Variants in SLC43A1 observed in about 807,000 individuals in gnomAD.
SLC43A1 encodes the protein large neutral amino acids transporter small subunit 3.
SLC43A1 carries 31 observed loss-of-function variants against 59.5 expected under a neutral mutation model. That is an observed-to-expected ratio of 0.52 (90% CI 0.39 to 0.70). The LOEUF (loss-of-function observed/expected upper bound fraction) is 0.70, where lower values mean the gene tolerates loss of function less well. Ranked by LOEUF, SLC43A1 falls within the 30% of genes least tolerant of loss-of-function variation. SLC43A1 has a pLI of 0.00. For synonymous variants in SLC43A1, 259 were observed against 290.9 expected, an observed-to-expected ratio of 0.89 and a Z score of 1.12; for missense variants, 598 against 717.8, an observed-to-expected ratio of 0.83 and a Z score of 1.91.
chr11:57,485,243 C>G lies in SLC43A1; in HGVS notation c.1534-1G>C, dbSNP rs758164213. On this transcript the variant is annotated splice_acceptor_variant, in intron 14 of 14. Coordinates refer to ENST00000278426, the MANE Select transcript of SLC43A1 (RefSeq NM_003627.6). LOFTEE classifies it high-confidence loss of function. ...AGAATAGCAGGAGGCCCAGATTCACCTTTAGGGCAAGGAGAGAGAAACAGA... is the reference window on the plus strand; with the variant it reads ...AGAATAGCAGGAGGCCCAGATTCACGTTTAGGGCAAGGAGAGAGAAACAGA... 6.2e-6 allele frequency: 10 copies of G among 1,611,068 alleles called. No homozygotes were observed. Among genetic ancestry groups the G allele is most frequent in the Non-Finnish European group, 6.8e-6 (8 of 1,178,448 alleles).
intron 2 of SLC43A1, among the ~76,000 whole-genome samples, chr11:57,504,830 A>G (rs910719834): frequency 1.3e-5 from 2 of 152,220 alleles, no homozygotes; most frequent in Non-Finnish European, 2.9e-5. Context: ...CAATTCATAC[A>G]TTCATTCCTG....
chr11:57,490,254 A>G (rs950252160), intron 11 of SLC43A1, among the ~76,000 whole-genome samples: 12 of 151,504 alleles, frequency 7.9e-5, no homozygotes, highest in Non-Finnish European at 1.8e-4. Flanking sequence ...GGTTGCAGTG[A>G]GCTGAGATCG....
chr11:57,496,916 T>C (rs1359686378), intron 6 of SLC43A1, among the ~76,000 whole-genome samples: 4 of 152,182 alleles, frequency 2.6e-5, no homozygotes, highest in Admixed American at 6.5e-5. Context: ...TGGACCTTGG[T>C]GCCTTTTCCT....
intron 10 of SLC43A1, 27 bp downstream of exon 10, chr11:57,491,564 G>C (rs760708859): frequency 6.2e-7 from 1 of 1,613,742 alleles, no homozygotes; most frequent in Admixed American, 1.7e-5. Context: ...GTGGGCGTGA[G>C]CCAGGGCCCT....
intron 8 of SLC43A1, among the ~76,000 whole-genome samples, chr11:57,492,430 AAT>A (rs1314269046): frequency 1.0e-4 from 14 of 135,422 alleles, no homozygotes; most frequent in South Asian, 4.4e-4. Context: ...ATCTCTAAAA[AAT>A]ATATATATAT....
rs1263475905 is a variant in SLC43A1 at position 57,491,644 on chromosome 11, T to C, written c.1019-18A>G. 1.2e-6 allele frequency: 2 copies of C among 1,614,106 alleles called. No homozygotes were observed. The highest frequency in any genetic ancestry group is 2.7e-5 in the African/African-American group (2 of 75,024). Reference sequence around the variant, plus strand: ...ATTTGTCTCTGTGGGTAGGGAAACGTATGGTGAGGGGAGCTCAGCCAGGGT... The same window carrying C: ...ATTTGTCTCTGTGGGTAGGGAAACGCATGGTGAGGGGAGCTCAGCCAGGGT... On this transcript the variant is annotated intron_variant, in intron 9 of 14. Coordinates refer to ENST00000278426, the MANE Select transcript of SLC43A1 (RefSeq NM_003627.6).
At chr11:57,491,502 G>A (rs1943900687) in intron 10 of SLC43A1, 89 bp downstream of exon 10, 1 of 1,592,752 alleles carries the variant, frequency 6.3e-7, no homozygotes, top group Non-Finnish European at 8.6e-7. Flanking sequence ...GGTTACCTGG[G>A]TGGGCCCAGG....
intron 11 of SLC43A1, among the ~76,000 whole-genome samples, 169 bp from the exon 12 acceptor site, chr11:57,489,561 T>C (rs1302776715): frequency 6.6e-6 from 1 of 152,152 alleles, no homozygotes; most frequent in Non-Finnish European, 1.5e-5. Flanking sequence ...TCTAGCTCCA[T>C]GTTTCTCAAA....
chr11:57,495,771 C>T (rs1262136449), intron 7 of SLC43A1, among the ~76,000 whole-genome samples: 2 of 152,082 alleles, frequency 1.3e-5, no homozygotes, highest in African/African-American at 4.8e-5. Context: ...TTGCAGTGAG[C>T]CAGGACCAAG....
chr11:57,494,003 G>A lies in SLC43A1; in HGVS notation c.861C>T (p.Asn287=). 1 of 1,593,282 alleles carries A rather than the reference G, an allele frequency of 6.3e-7. No homozygotes were observed. Among genetic ancestry groups the A allele is most frequent in the Non-Finnish European group, 8.5e-7 (1 of 1,171,408 alleles). ...SPQDVRGTSE[N]LPERSVPLRK... ...TGACCAGACACTCACTCTCAGGAAG[G>A]TTTTCTGAGGTGCCCCGAACATCCT... Residue 287 remains asparagine, a synonymous_variant, in exon 8 of 15, where the codon AAC becomes AAT. Coordinates refer to ENST00000278426, the MANE Select transcript of SLC43A1 (RefSeq NM_003627.6).
chr11:57,484,805 TAGA>T lies in SLC43A1; in HGVS notation c.*288_*290del, dbSNP rs1293215550. Reference sequence around the variant, plus strand: ...CAAGAGGTACCAGGAGGCAGACCGCTAGAAGGAGATAAGAGGCACCCTGGTCTC... The same window carrying T: ...CAAGAGGTACCAGGAGGCAGACCGCTAGGAGATAAGAGGCACCCTGGTCTC... On this transcript the variant is annotated 3_prime_UTR_variant, in exon 15 of 15. Transcript: ENST00000278426. 2 of 301,720 alleles carry T rather than the reference TAGA, an allele frequency of 6.6e-6. No homozygotes were observed. The highest frequency in any genetic ancestry group is 5.0e-5 in the South Asian group (1 of 20,034). The allele number at this position is 301,720 out of a possible 1,614,324, so 18.7% of individuals were successfully genotyped here.
At chr11:57,487,018 T>C in intron 14 of SLC43A1, 77 bp downstream of exon 14, 7 of 1,494,866 alleles carry the variant, frequency 4.7e-6, no homozygotes, top group South Asian at 4.6e-5. Flanking sequence ...GAGTGAGGGA[T>C]GGCACCACAT....
chr11:57,499,101 T>C (rs889613668), intron 5 of SLC43A1, among the ~76,000 whole-genome samples: 14 of 152,110 alleles, frequency 9.2e-5, no homozygotes, highest in African/African-American at 1.4e-4. Flanking sequence ...GGCGGGTGGA[T>C]TGCCTGAGCT....
Position 57,484,874 on chromosome 11 carries a change from A to C in SLC43A1, c.*222T>G. On this transcript the variant is annotated 3_prime_UTR_variant, in exon 15 of 15. Coordinates refer to ENST00000278426, the MANE Select transcript of SLC43A1 (RefSeq NM_003627.6). ...GAAGAAGGCTCAACCCCTCTAGGATAGGGACTGTCTTCAGTCAATGGAGCG... is the reference window on the plus strand; with the variant it reads ...GAAGAAGGCTCAACCCCTCTAGGATCGGGACTGTCTTCAGTCAATGGAGCG... The C allele has an allele frequency of 4.2e-6, 2 of 478,802 alleles. No individual in the cohort carries two copies. 29.7% of individuals were successfully genotyped at this position (478,802 alleles called of 1,614,324 possible).
At position 57,492,452 on chromosome 11, in the gene SLC43A1, AATATAAATATAT is replaced by A. The variant is rs1277713028; in HGVS notation, c.872-602_872-591del. Among the ~76,000 whole-genome samples the A allele has an allele frequency of 2.2e-5, 3 of 135,644 alleles. No individual in the cohort carries two copies. In the Admixed American group the frequency reaches 2.5e-4, roughly 11 times the overall value. 89.0% of individuals were successfully genotyped at this position (135,644 alleles called of 152,430 possible). On this transcript the variant is annotated intron_variant, in intron 8 of 14. Coordinates refer to ENST00000278426, the MANE Select transcript of SLC43A1 (RefSeq NM_003627.6). ...AAAAATATATATATATATAAAATAT[AATATAAATATAT>A]ATATAATTTATATATAAAAAATAAT...
rs138217743 is a variant in SLC43A1 at position 57,497,697 on chromosome 11, T to C, written c.558+56A>G. 8.7e-4 allele frequency: 1,212 copies of C among 1,392,206 alleles called. 8 individuals carry two copies. In the African/African-American group the frequency reaches 0.015, roughly 17 times the overall value. 86.2% of individuals were successfully genotyped at this position (1,392,206 alleles called of 1,614,324 possible). On this transcript the variant is annotated intron_variant, in intron 6 of 14. Transcript: ENST00000278426. ...TGGGTCAGCACTAGCTGCTGCTCAC[T>C]CGGCCCCACCCGGTTCTTGTGTCAA...
At chr11:57,498,759 G>A (rs1166837177) in intron 5 of SLC43A1, among the ~76,000 whole-genome samples, 1 of 152,212 alleles carries the variant, frequency 6.6e-6, no homozygotes, top group Non-Finnish European at 1.5e-5. Context: ...CTCCAGAGGA[G>A]GTGGCTCTGA....
In SLC43A1 at chr11:57,491,631, G is replaced by T. The variant is rs1372165900; in HGVS notation, c.1019-5C>A. 5 of 1,614,178 alleles carry T rather than the reference G, an allele frequency of 3.1e-6. No individual in the cohort carries two copies. Among genetic ancestry groups the T allele is most frequent in the Non-Finnish European group, 4.2e-6 (5 of 1,180,024 alleles). On this transcript the variant is annotated splice_region_variant and splice_polypyrimidine_tract_variant and intron_variant, in intron 9 of 14. Coordinates refer to ENST00000278426, the MANE Select transcript of SLC43A1 (RefSeq NM_003627.6). Reference sequence around the variant, plus strand: ...TTTGTTGCTGTTCATTTGTCTCTGTGGGTAGGGAAACGTATGGTGAGGGGA... The same window carrying T: ...TTTGTTGCTGTTCATTTGTCTCTGTTGGTAGGGAAACGTATGGTGAGGGGA...
At chr11:57,491,562 G>C (rs1216453652) in intron 10 of SLC43A1, 29 bp downstream of exon 10, 8 of 1,613,488 alleles carry the variant, frequency 5.0e-6, no homozygotes, top group Non-Finnish European at 6.8e-6. Flanking sequence ...GGGTGGGCGT[G>C]AGCCAGGGCC....
Sources: gnomAD v4.1 joint callset for allele counts (sites outside exome capture counted in the v4.1 genomes callset) on GRCh38, gnomAD v4.1.1 for gene constraint, MANE v1.5 for transcripts, NCBI Gene and HGNC (gene_info 2026-07-23, HGNC 2026-07-21) for gene names.